Variants in TMEM108 observed in about 807,000 individuals in gnomAD.
TMEM108 encodes transmembrane protein 108.
TMEM108 carries 12 observed loss-of-function variants against 35.1 expected under a neutral mutation model. That is an observed-to-expected ratio of 0.34 (90% CI 0.22 to 0.55). The LOEUF is 0.55. Ranked by LOEUF, TMEM108 falls within the 20% of genes least tolerant of loss-of-function variation. The probability of loss-of-function intolerance (pLI) is 0.89; values close to 1 mark genes in which losing one functional copy is unlikely to be tolerated. For synonymous variants in TMEM108, 287 were observed against 308.6 expected (o/e 0.93, Z 0.73); for missense variants, 680 against 753.3 (o/e 0.90, Z 1.14).
intron 2 of TMEM108, among the ~76,000 whole-genome samples, chr3:133,199,782 T>C (rs2107825217): frequency 6.6e-6 from 1 of 152,262 alleles, no homozygotes; most frequent in Middle Eastern, 3.4e-3. Context: ...GAACCACTAC[T>C]CTCTTCAAAG....
chr3:133,178,415 A>C (rs973237551), intron 2 of TMEM108, among the ~76,000 whole-genome samples: 2 of 152,146 alleles, frequency 1.3e-5, no homozygotes, highest in African/African-American at 4.8e-5. Flanking sequence ...ATTATACTAC[A>C]AGGCTACAGT....
intron 2 of TMEM108, among the ~76,000 whole-genome samples, chr3:133,104,776 C>G (rs1944129138): frequency 6.6e-6 from 1 of 152,168 alleles, no homozygotes; most frequent in Non-Finnish European, 1.5e-5. Context: ...GAGCCAAGAA[C>G]CTGTAAGACG....
chr3:133,327,051 A>G (rs559122306), intron 3 of TMEM108, among the ~76,000 whole-genome samples: 1 of 151,462 alleles, frequency 6.6e-6, no homozygotes, highest in East Asian at 2.0e-4. Flanking sequence ...GAACATAGGA[A>G]CCTAGGTGGA....
intron 2 of TMEM108, among the ~76,000 whole-genome samples, chr3:133,126,124 T>G (rs958579987): frequency 6.6e-6 from 1 of 152,182 alleles, no homozygotes; most frequent in Admixed American, 6.5e-5. Flanking sequence ...CCTAGTGTGA[T>G]TTTGACAAAG....
chr3:133,072,982 G>A (rs761849965), intron 2 of TMEM108, among the ~76,000 whole-genome samples: 3 of 151,916 alleles, frequency 2.0e-5, no homozygotes, highest in Non-Finnish European at 2.9e-5. Flanking sequence ...GCATGTCTTG[G>A]TACTTCATTC....
chr3:133,075,549 A>G (rs1015803157), intron 2 of TMEM108, among the ~76,000 whole-genome samples: 1 of 152,220 alleles, frequency 6.6e-6, no homozygotes. Flanking sequence ...CAAGAAGTCC[A>G]GACCATCACT....
intron 3 of TMEM108, among the ~76,000 whole-genome samples, chr3:133,370,688 C>T (rs1188857511): frequency 2.0e-5 from 3 of 152,130 alleles, no homozygotes; most frequent in African/African-American, 7.2e-5. Context: ...ATTTGACTCT[C>T]ATTTTTGTTT....
At chr3:133,251,437 A>C (rs1459921348) in intron 3 of TMEM108, among the ~76,000 whole-genome samples, 1 of 152,186 alleles carries the variant, frequency 6.6e-6, no homozygotes, top group Non-Finnish European at 1.5e-5. Flanking sequence ...TGTTTCAGTC[A>C]GTATAGGCCA....
chr3:133,177,207 T>C (rs1945246751), intron 2 of TMEM108, among the ~76,000 whole-genome samples: 1 of 152,108 alleles, frequency 6.6e-6, no homozygotes, highest in African/African-American at 2.4e-5. Flanking sequence ...CAGGACCAGA[T>C]GGATTCACAG....
At chr3:133,318,085 C>A (rs577824701) in intron 3 of TMEM108, among the ~76,000 whole-genome samples, 187 of 152,330 alleles carry the variant, frequency 1.2e-3, no homozygotes, top group African/African-American at 4.2e-3. Flanking sequence ...ATCTTTGTCA[C>A]AAACAAGCTC....
chr3:133,305,337 G>C (rs535495548), intron 3 of TMEM108, among the ~76,000 whole-genome samples: 167 of 140,998 alleles, frequency 1.2e-3, no homozygotes, highest in African/African-American at 4.1e-3. Context: ...ACACAGGAAG[G>C]GGAATATCAC....
At chr3:133,266,083 G>C (rs763460718) in intron 3 of TMEM108, among the ~76,000 whole-genome samples, 2 of 151,542 alleles carry the variant, frequency 1.3e-5, no homozygotes, top group Non-Finnish European at 2.9e-5. Context: ...TTGACTCCAA[G>C]AAAGCTCTTA....
chr3:133,129,687 T>C (rs1009284782), intron 2 of TMEM108, among the ~76,000 whole-genome samples: 1 of 152,134 alleles, frequency 6.6e-6, no homozygotes, highest in African/African-American at 2.4e-5. Context: ...TGATTGTCTA[T>C]TATATACCAG....
At chr3:133,273,295 T>A (rs1168118110) in intron 3 of TMEM108, among the ~76,000 whole-genome samples, 4 of 152,214 alleles carry the variant, frequency 2.6e-5, no homozygotes, top group African/African-American at 9.6e-5. Flanking sequence ...TCCAATGGAA[T>A]GAAGAGTAAA....
At chr3:133,336,188 T>C (rs2071497073) in intron 3 of TMEM108, among the ~76,000 whole-genome samples, 1 of 152,020 alleles carries the variant, frequency 6.6e-6, no homozygotes, top group Non-Finnish European at 1.5e-5. Flanking sequence ...TCAGAACCAG[T>C]GGACTTTAAG....
intron 3 of TMEM108, among the ~76,000 whole-genome samples, chr3:133,238,682 A>G (rs1355769883): frequency 6.6e-6 from 1 of 152,184 alleles, no homozygotes; most frequent in Admixed American, 6.5e-5. Flanking sequence ...GGTCATCTCT[A>G]GCTGAAGCTG....
chr3:133,319,959 T>C (rs113379526), intron 3 of TMEM108, among the ~76,000 whole-genome samples: 2,446 of 152,162 alleles, frequency 0.016, 65 homozygotes, highest in African/African-American at 0.056. Context: ...GAAAAGTAAT[T>C]CAGACAATAT....
chr3:133,213,321 T>G lies in TMEM108; in HGVS notation c.-46-15945T>G, dbSNP rs562366928. Among the ~76,000 whole-genome samples the G allele has an allele frequency of 2.0e-5, 3 of 152,306 alleles. No individual in the cohort carries two copies. The East Asian group carries it at 5.8e-4, about 29-fold the overall frequency. On this transcript the variant is annotated intron_variant, in intron 2 of 5. Transcript: ENST00000321871. Reference sequence around the variant, plus strand: ...TGCTCTAATTAGGTATCAGCCCCATTTAAAAATGAGAAAGTTGAGGCTCCA... The same window carrying G: ...TGCTCTAATTAGGTATCAGCCCCATGTAAAAATGAGAAAGTTGAGGCTCCA...
chr3:133,245,018 C>A (rs1946365557), intron 3 of TMEM108, among the ~76,000 whole-genome samples: 1 of 152,184 alleles, frequency 6.6e-6, no homozygotes, highest in Admixed American at 6.5e-5. Flanking sequence ...GTTGCTAAAT[C>A]TTTAAAGGGT....
Sources: gnomAD v4.1 joint callset for allele counts (sites outside exome capture counted in the v4.1 genomes callset) on GRCh38, gnomAD v4.1.1 for gene constraint, MANE v1.5 for transcripts, NCBI Gene and HGNC (gene_info 2026-07-23, HGNC 2026-07-21) for gene names.